Variants in NXPH1 observed in about 807,000 individuals in gnomAD.
NXPH1 encodes the protein neurexophilin-1.
A neutral mutation model predicts 23.7 loss-of-function variants in NXPH1; 5 were observed. The observed-to-expected ratio is 0.21, with a 90% CI of 0.11 to 0.44. The LOEUF (loss-of-function observed/expected upper bound fraction) is 0.44. NXPH1 is among the 20% of genes least tolerant of loss of function. The pLI, the probability that NXPH1 is intolerant of heterozygous loss-of-function variation, is 0.99. For synonymous variants in NXPH1, 144 were observed against 122.2 expected (o/e 1.18, Z -1.18); for missense variants, 324 against 321.6 (o/e 1.01, Z -0.06).
intron 2 of NXPH1, among the ~76,000 whole-genome samples, chr7:8,710,942 G>A (rs1188249675): frequency 2.6e-5 from 3 of 115,006 alleles, no homozygotes; most frequent in Non-Finnish European, 4.9e-5. Flanking sequence ...GACTACAGGC[G>A]TGAGCCACCG....
intron 2 of NXPH1, among the ~76,000 whole-genome samples, chr7:8,624,509 G>T (rs1053958389): frequency 2.0e-5 from 3 of 151,996 alleles, no homozygotes; most frequent in Non-Finnish European, 4.4e-5. Flanking sequence ...ATATTTAGGT[G>T]GTGGAAAGAA....
chr7:8,687,024 A>C (rs575584888), intron 2 of NXPH1, among the ~76,000 whole-genome samples: 39 of 152,262 alleles, frequency 2.6e-4, no homozygotes, highest in African/African-American at 9.4e-4. Context: ...CATTGTTCAT[A>C]TAATGTAGTT....
At chr7:8,716,840 A>G (rs1288904667) in intron 2 of NXPH1, among the ~76,000 whole-genome samples, 1 of 152,150 alleles carries the variant, frequency 6.6e-6, no homozygotes, top group Non-Finnish European at 1.5e-5. Flanking sequence ...GTCTTCCCCT[A>G]CAATCCTTTC....
At chr7:8,609,932 T>G (rs1335292151) in intron 2 of NXPH1, among the ~76,000 whole-genome samples, 1 of 152,162 alleles carries the variant, frequency 6.6e-6, no homozygotes, top group Non-Finnish European at 1.5e-5. Context: ...TTCAAATCCC[T>G]TGGCGAAGAA....
Position 8,434,639 on chromosome 7 carries a change from G to A in NXPH1, c.-227G>A, listed in dbSNP as rs1816156203. On this transcript the variant is annotated 5_prime_UTR_variant, in exon 1 of 3. Coordinates refer to ENST00000405863, the MANE Select transcript of NXPH1 (RefSeq NM_152745.3). This position sits in a 1 kb window ranked among gnomAD's most constrained non-coding sequence, Gnocchi z 7.6. Reference sequence around the variant, plus strand: ...GGACCCGTCTGCGCTCGAGCATGGAGACGGAGCGCCTGGGAGGGCACGTCC... The same window carrying A: ...GGACCCGTCTGCGCTCGAGCATGGAAACGGAGCGCCTGGGAGGGCACGTCC... The A allele has an allele frequency of 6.5e-6, 1 of 152,732 alleles. No individual in the cohort carries two copies. The highest frequency in any genetic ancestry group is 2.1e-4 in the South Asian group (1 of 4,844). 9.5% of individuals were successfully genotyped at this position (152,732 alleles called of 1,614,324 possible). A position where few individuals can be genotyped will look rare whatever the true frequency, so the allele number is the denominator to read the frequency against.
chr7:8,558,486 C>T (rs532298028), intron 2 of NXPH1, among the ~76,000 whole-genome samples: 34 of 151,660 alleles, frequency 2.2e-4, no homozygotes, highest in Non-Finnish European at 4.9e-4. Flanking sequence ...GACATTGGAG[C>T]CAATAAAGCT....
At chr7:8,585,044 T>G (rs997811278) in intron 2 of NXPH1, among the ~76,000 whole-genome samples, 3 of 152,206 alleles carry the variant, frequency 2.0e-5, no homozygotes, top group African/African-American at 7.2e-5. Context: ...ATATTGGAGA[T>G]GTCAGTAGTG....
At chr7:8,616,271 T>A (rs1396320956) in intron 2 of NXPH1, among the ~76,000 whole-genome samples, 2 of 131,636 alleles carry the variant, frequency 1.5e-5, no homozygotes, top group African/African-American at 3.4e-5. Flanking sequence ...CTTTTGATCT[T>A]GTTCTCTGCC....
intron 2 of NXPH1, among the ~76,000 whole-genome samples, chr7:8,541,651 A>G (rs1818118668): frequency 6.6e-6 from 1 of 151,676 alleles, no homozygotes; most frequent in Non-Finnish European, 1.5e-5. Context: ...TGCTTAAACC[A>G]AAACAATCAC....
At chr7:8,746,099 A>C (rs544178697) in intron 2 of NXPH1, among the ~76,000 whole-genome samples, 12 of 152,262 alleles carry the variant, frequency 7.9e-5, no homozygotes, top group African/African-American at 2.9e-4. Flanking sequence ...ACCATGTGCC[A>C]TTGATGTTTG....
At chr7:8,624,009 T>C (rs1024126859) in intron 2 of NXPH1, among the ~76,000 whole-genome samples, 2 of 152,098 alleles carry the variant, frequency 1.3e-5, no homozygotes, top group African/African-American at 4.8e-5. Context: ...TATAATTTTT[T>C]GGTGTGTTCA....
At chr7:8,583,117 T>A (rs981802114) in intron 2 of NXPH1, among the ~76,000 whole-genome samples, 4 of 152,014 alleles carry the variant, frequency 2.6e-5, no homozygotes, top group African/African-American at 9.7e-5. Context: ...TGCTTAGGGA[T>A]CTGCTCAAGT....
intron 2 of NXPH1, among the ~76,000 whole-genome samples, chr7:8,459,819 G>A (rs1183087355): frequency 6.6e-6 from 1 of 152,172 alleles, no homozygotes; most frequent in Admixed American, 6.5e-5. Flanking sequence ...AAGCAATATA[G>A]ACCCAGATAT....
chr7:8,685,798 G>A (rs1821137413), intron 2 of NXPH1, among the ~76,000 whole-genome samples: 1 of 149,688 alleles, frequency 6.7e-6, no homozygotes, highest in African/African-American at 2.5e-5. Flanking sequence ...AATGGCGGGG[G>A]GAAGTGGGGA....
At chr7:8,550,026 G>T (rs909933970) in intron 2 of NXPH1, among the ~76,000 whole-genome samples, 4 of 151,572 alleles carry the variant, frequency 2.6e-5, no homozygotes, top group Admixed American at 1.3e-4. Flanking sequence ...TTGTTTCTCA[G>T]TTAGAAAGAA....
At chr7:8,587,886 T>C (rs1011178983) in intron 2 of NXPH1, among the ~76,000 whole-genome samples, 5 of 152,114 alleles carry the variant, frequency 3.3e-5, no homozygotes, top group Admixed American at 2.6e-4. Context: ...AGTCTATCAT[T>C]GATGGGCATT....
intron 2 of NXPH1, among the ~76,000 whole-genome samples, chr7:8,598,880 C>A (rs1246815687): frequency 6.6e-6 from 1 of 152,100 alleles, no homozygotes; most frequent in Admixed American, 6.5e-5. Context: ...TGTATGCCTG[C>A]TGTAGGCTCT....
At chr7:8,649,070 G>C (rs1057367004) in intron 2 of NXPH1, among the ~76,000 whole-genome samples, 3 of 150,710 alleles carry the variant, frequency 2.0e-5, no homozygotes, top group Non-Finnish European at 4.4e-5. Context: ...CCTTTTGATG[G>C]TACTTATTCA....
intron 2 of NXPH1, among the ~76,000 whole-genome samples, chr7:8,452,480 A>C (rs1816523783): frequency 6.6e-6 from 1 of 152,146 alleles, no homozygotes; most frequent in Admixed American, 6.5e-5. Flanking sequence ...TCTCATTGAC[A>C]GCCTTGATTT....
Sources: gnomAD v4.1 joint callset for allele counts (sites outside exome capture counted in the v4.1 genomes callset) on GRCh38, gnomAD v4.1.1 for gene constraint, Gnocchi (gnomAD v3.1) non-coding constraint, MANE v1.5 for transcripts, NCBI Gene and HGNC (gene_info 2026-07-23, HGNC 2026-07-21) for gene names.